Variants in AGAP1 observed in about 807,000 individuals in gnomAD.
The protein encoded by AGAP1 is arf-GAP with GTPase, ANK repeat and PH domain-containing protein 1.
A neutral mutation model predicts 105.3 loss-of-function variants in AGAP1; 29 were observed. The observed-to-expected ratio is 0.28, with a 90% CI of 0.21 to 0.38. The LOEUF (loss-of-function observed/expected upper bound fraction) is 0.38, where lower values mean the gene tolerates loss of function less well. Among genes scored for constraint, AGAP1 ranks in the 10% least tolerant of loss-of-function variants. AGAP1 has a pLI of 1.00. For synonymous variants in AGAP1, 509 were observed against 485.9 expected, an observed-to-expected ratio of 1.05 and a Z score of -0.63; for missense variants, 998 against 1,165.1, an observed-to-expected ratio of 0.86 and a Z score of 2.09.
chr2:235,761,295 TAA>T (rs1954417919), intron 6 of AGAP1, among the ~76,000 whole-genome samples: 2 of 152,216 alleles, frequency 1.3e-5, no homozygotes, highest in Admixed American at 1.3e-4. Flanking sequence ...CTAGAAACGT[TAA>T]GTGTGCACAG....
intron 1 of AGAP1, among the ~76,000 whole-genome samples, chr2:235,683,118 C>A (rs1255529008): frequency 6.6e-6 from 1 of 152,110 alleles, no homozygotes; most frequent in Non-Finnish European, 1.5e-5. Context: ...ACCACCTGGT[C>A]AACATGGTGA....
Position 236,062,372 on chromosome 2 carries a change from G to T in AGAP1, c.2114+13091G>T, listed in dbSNP as rs2058222778. 6.6e-6 allele frequency among the ~76,000 whole-genome samples: 1 copy of T among 152,172 alleles called. No individual in the cohort carries two copies. The highest frequency in any genetic ancestry group is 2.1e-4 in the South Asian group (1 of 4,828). Reference sequence around the variant, plus strand: ...CTCCCTAGAGGAAGCCATGGCCAGAGGGGAGGGGAGGGAGGCAGAGCCAGG... The same window carrying T: ...CTCCCTAGAGGAAGCCATGGCCAGATGGGAGGGGAGGGAGGCAGAGCCAGG... On this transcript the variant is annotated intron_variant, in intron 16 of 17. Transcript: ENST00000304032. This position sits in a 1 kb window ranked among gnomAD's most constrained non-coding sequence, Gnocchi z 4.2.
chr2:236,001,852 G>A lies in AGAP1; in HGVS notation c.1645+33229G>A, dbSNP rs1287596546. Among the ~76,000 whole-genome samples the A allele has an allele frequency of 6.6e-6, 1 of 152,200 alleles. No homozygotes were observed. On this transcript the variant is annotated intron_variant, in intron 13 of 17. Transcript: ENST00000304032. This position sits in a 1 kb window ranked among gnomAD's most constrained non-coding sequence, Gnocchi z 4.7. ...CTAATAGGTTATGCCAGCCCCTCTCGTTGGGCATTGAAATTGCCTCAGCAG... is the reference window on the plus strand; with the variant it reads ...CTAATAGGTTATGCCAGCCCCTCTCATTGGGCATTGAAATTGCCTCAGCAG...
chr2:236,119,535 T>C lies in AGAP1; in HGVS notation c.2115-657T>C, dbSNP rs1461705005. 1.3e-5 allele frequency among the ~76,000 whole-genome samples: 2 copies of C among 152,118 alleles called. No individual in the cohort carries two copies. The highest frequency in any genetic ancestry group is 2.9e-5 in the Non-Finnish European group (2 of 68,024). ...TTCGGAGTTTGAAGCTAAAAGCACA[T>C]GGTCACCCCCAGGTGTGGGGAGCGC... On this transcript the variant is annotated intron_variant, in intron 16 of 17. Coordinates refer to ENST00000304032, the MANE Select transcript of AGAP1 (RefSeq NM_001037131.3). The surrounding 1 kb of genome is among the most constrained non-coding windows in gnomAD (Gnocchi z 6.6).
intron 1 of AGAP1, among the ~76,000 whole-genome samples, chr2:235,521,734 T>TTTTGTGTG (rs562790524): frequency 2.7e-4 from 7 of 25,582 alleles, no homozygotes; most frequent in African/African-American, 1.2e-3. Context: ...TTTTTGTTTG[T>TTTTGTGTG]TATATATATG....
chr2:235,510,481 T>A (rs1282908996), intron 1 of AGAP1, among the ~76,000 whole-genome samples: 1 of 152,232 alleles, frequency 6.6e-6, no homozygotes, highest in African/African-American at 2.4e-5. Flanking sequence ...AGTTCTTGGC[T>A]TTTACAAATA....
At chr2:235,783,022 T>TTGTG (rs112987473) in intron 6 of AGAP1, among the ~76,000 whole-genome samples, 37,823 of 140,990 alleles carry the variant, frequency 0.27, 5,050 homozygotes, top group Non-Finnish European at 0.32. Context: ...CGGCAGGAGA[T>TTGTG]TGTGTGTGTG....
rs780495278 is a variant in AGAP1, at chr2:235,951,197, T to C, written c.1484-17265T>C. Among the ~76,000 whole-genome samples the C allele has an allele frequency of 2.0e-5, 3 of 152,228 alleles. No individual in the cohort carries two copies. The highest frequency in any genetic ancestry group is 6.5e-5 in the Admixed American group (1 of 15,284). Reference sequence around the variant, plus strand: ...GTGATGGAGCTGCTTTGAAAGGCTGTGCTTTAGAAGACACTTCCGACTTTG... The same window carrying C: ...GTGATGGAGCTGCTTTGAAAGGCTGCGCTTTAGAAGACACTTCCGACTTTG... On this transcript the variant is annotated intron_variant, in intron 12 of 17. Transcript: ENST00000304032. The surrounding 1 kb of genome is among the most constrained non-coding windows in gnomAD (Gnocchi z 4.2).
intron 6 of AGAP1, among the ~76,000 whole-genome samples, chr2:235,781,247 A>G (rs1956242827): frequency 6.6e-6 from 1 of 152,230 alleles, no homozygotes; most frequent in Non-Finnish European, 1.5e-5. Flanking sequence ...TAAAGTCATT[A>G]GACTTCACTC....
intron 1 of AGAP1, among the ~76,000 whole-genome samples, chr2:235,669,012 T>C (rs1948225787): frequency 6.6e-6 from 1 of 152,148 alleles, no homozygotes; most frequent in Non-Finnish European, 1.5e-5. Flanking sequence ...CACACATTGG[T>C]AAAATAACCC....
chr2:235,817,333 A>G (rs1378784362), intron 9 of AGAP1, among the ~76,000 whole-genome samples: 3 of 151,934 alleles, frequency 2.0e-5, no homozygotes, highest in African/African-American at 7.3e-5. Flanking sequence ...ACAAGTTCTA[A>G]AGAAGGTGGC....
rs146768042 is a variant in AGAP1 at position 235,537,980 on chromosome 2, T to C, written c.163+43131T>C. ...TTTTGTACCAACCGTACTAAGAGGC[T>C]TCTTGTTAGCTGTTAATTCATATTT... On this transcript the variant is annotated intron_variant, in intron 1 of 17. Transcript: ENST00000304032. Among the ~76,000 whole-genome samples the C allele has an allele frequency of 3.5e-3, 528 of 152,336 alleles. 1 individual carries two copies. The highest frequency in any genetic ancestry group is 6.1e-3 in the Non-Finnish European group (416 of 68,026).
At chr2:235,678,120 G>T (rs907008052) in intron 1 of AGAP1, among the ~76,000 whole-genome samples, 12 of 152,174 alleles carry the variant, frequency 7.9e-5, no homozygotes, top group African/African-American at 2.9e-4. Flanking sequence ...TGCTCCTCTG[G>T]TGCCAATGCA....
rs369129304 is a variant in AGAP1, at chr2:235,590,712, T to TGTGTGTGTGC, written c.163+95864_163+95865insTGTGTGTGCG. On this transcript the variant is annotated intron_variant, in intron 1 of 17. Coordinates refer to ENST00000304032, the MANE Select transcript of AGAP1 (RefSeq NM_001037131.3). ...GTGTGCGTGTGTGTGTGTGTGTGTGTGCATTTTTTTTTTTTTTTTTTTTTT... is the reference window on the plus strand; with the variant it reads ...GTGTGCGTGTGTGTGTGTGTGTGTGTGTGTGTGTGCGCATTTTTTTTTTTTTTTTTTTTTT... 7.4e-3 allele frequency among the ~76,000 whole-genome samples: 867 copies of TGTGTGTGTGC among 117,018 alleles called. 18 individuals carry two copies. Among genetic ancestry groups the TGTGTGTGTGC allele is most frequent in the African/African-American group, 0.028 (757 of 27,404 alleles). The allele number at this position is 117,018 out of a possible 152,430, so 76.8% of individuals were successfully genotyped here.
chr2:235,684,258 A>G (rs946862825), intron 1 of AGAP1, among the ~76,000 whole-genome samples: 4 of 151,938 alleles, frequency 2.6e-5, no homozygotes, highest in Admixed American at 6.6e-5. Flanking sequence ...GTTAGCCAGG[A>G]TGGTCTCGAT....
chr2:235,747,443 C>T lies in AGAP1; in HGVS notation c.538+2604C>T, dbSNP rs190856295. 9.9e-5 allele frequency among the ~76,000 whole-genome samples: 15 copies of T among 152,154 alleles called. No homozygotes were observed. Among genetic ancestry groups the T allele is most frequent in the Non-Finnish European group, 1.5e-4 (10 of 67,992 alleles). On this transcript the variant is annotated intron_variant, in intron 5 of 17. Transcript: ENST00000304032. This position sits in a 1 kb window ranked among gnomAD's most constrained non-coding sequence, Gnocchi z 5.0. ...GAGGTAAGTCAGCCCCACACCCTCC[C>T]GGGGTGAACAGGTAAGCTGGCCCCA...
chr2:235,908,639 G>A lies in AGAP1; in HGVS notation c.1156-99G>A, dbSNP rs900837420. 66 of 1,129,110 alleles carry A rather than the reference G, an allele frequency of 5.8e-5. No individual in the cohort carries two copies. Among genetic ancestry groups the A allele is most frequent in the Non-Finnish European group, 7.9e-5 (63 of 795,738 alleles). The allele number at this position is 1,129,110 out of a possible 1,614,324, so 69.9% of individuals were successfully genotyped here. Reference sequence around the variant, plus strand: ...TACTTTCCACAGTGGAAGGGTCATAGGGTTTTAACTCATGACGTCTGATAG... The same window carrying A: ...TACTTTCCACAGTGGAAGGGTCATAAGGTTTTAACTCATGACGTCTGATAG... On this transcript the variant is annotated intron_variant, in intron 10 of 17. Transcript: ENST00000304032. The surrounding 1 kb of genome is among the most constrained non-coding windows in gnomAD (Gnocchi z 4.4).
At chr2:236,107,685 A>T (rs1241334308) in intron 16 of AGAP1, among the ~76,000 whole-genome samples, 1 of 152,138 alleles carries the variant, frequency 6.6e-6, no homozygotes, top group East Asian at 1.9e-4. Context: ...TCCCTTCTGG[A>T]ACAACACAGG....
chr2:235,497,089 C>T (rs751679719), intron 1 of AGAP1, among the ~76,000 whole-genome samples: 1 of 152,156 alleles, frequency 6.6e-6, no homozygotes, highest in African/African-American at 2.4e-5. Flanking sequence ...AATATTTTTG[C>T]ATGTATAGTC....
Sources: gnomAD v4.1 joint callset for allele counts (sites outside exome capture counted in the v4.1 genomes callset) on GRCh38, gnomAD v4.1.1 for gene constraint, Gnocchi (gnomAD v3.1) non-coding constraint, MANE v1.5 for transcripts, NCBI Gene and HGNC (gene_info 2026-07-23, HGNC 2026-07-21) for gene names.